PGA5: variants seen among roughly 807,000 people sequenced by gnomAD.
PGA5 encodes pepsinogen A5, also known as pepsin A-5.
PGA5 carries 19 observed loss-of-function variants against 15.9 expected under a neutral mutation model. The ratio of observed to expected loss-of-function variants is 1.19; its 90% CI spans 0.83 to 1.75. The LOEUF (loss-of-function observed/expected upper bound fraction) is 1.75, where lower values mean the gene tolerates loss of function less well. Ranked by LOEUF, PGA5 falls within the 40% of genes most tolerant of loss-of-function variation. The pLI is 0.00. For missense variants in PGA5, 224 were observed against 246.4 expected (o/e 0.91, Z 0.61); for synonymous variants, 92 against 95.8 (o/e 0.96, Z 0.23).
Position 61,251,154 on chromosome 11 carries a change from G to T in PGA5, c.1040G>T (p.Gly347Val). 1.2e-6 allele frequency: 2 copies of T among 1,611,826 alleles called. No homozygotes were observed. Among genetic ancestry groups the T allele is most frequent in the Non-Finnish European group, 1.7e-6 (2 of 1,179,854 alleles). The change falls in exon 9 of 9, where the codon GGC (glycine) becomes GTC (valine). Residue 347 changes from glycine (G) to valine (V), a missense_variant. Transcript: ENST00000312403. The part of the protein sequence containing the change: ...ILQSEGSCIS[G>V]FQGMNVPTES... ...CAGAGCGAGGGGAGCTGCATCAGTG[G>T]CTTCCAGGGCATGAACGTCCCCACC...
rs1854099412 is a variant in PGA5 at position 61,248,595 on chromosome 11, G to T, written c.773+60G>T. The T allele has an allele frequency of 1.3e-5, 21 of 1,599,058 alleles. 1 individual carries two copies. Among genetic ancestry groups the T allele is most frequent in the Non-Finnish European group, 1.7e-5 (20 of 1,169,242 alleles). On this transcript the variant is annotated intron_variant, in intron 6 of 8. Transcript: ENST00000312403. ...GGGCCCCAGATCCCATTTCCTTATG[G>T]ATTCATAGCCAATCAGCTTTCCAGA...
At chr11:61,249,632 G>A in intron 6 of PGA5, 37 bp from the exon 7 acceptor site, 1 of 1,613,640 alleles carries the variant, frequency 6.2e-7, no homozygotes, top group Non-Finnish European at 8.5e-7. Flanking sequence ...ATGAACCCCT[G>A]AGGGCTCAGG....
chr11:61,251,439 C>A lies in PGA5; in HGVS notation c.*158C>A, dbSNP rs1854140338. 21 of 1,300,000 alleles carry A rather than the reference C, an allele frequency of 1.6e-5. No homozygotes were observed. The South Asian group carries it at 3.2e-4, about 20-fold the overall frequency. 80.5% of individuals were successfully genotyped at this position (1,300,000 alleles called of 1,614,324 possible). ...TAACGTAGAATAAAAACATAACCCA[C>A]TGAAACAGGTTTTGTGGAGCTGCTT... On this transcript the variant is annotated 3_prime_UTR_variant, in exon 9 of 9. Coordinates refer to ENST00000312403, the MANE Select transcript of PGA5 (RefSeq NM_014224.5).
chr11:61,249,025 C>T (rs190325919), intron 6 of PGA5, among the ~76,000 whole-genome samples: 1 of 152,232 alleles, frequency 6.6e-6, no homozygotes, highest in Admixed American at 6.5e-5. Flanking sequence ...GCTGTTCTTC[C>T]CCAGCTAGCC....
At chr11:61,246,191 G>A in intron 5 of PGA5, 46 bp downstream of exon 5, 3 of 314,198 alleles carry the variant, frequency 9.5e-6, no homozygotes, top group South Asian at 4.4e-5. Flanking sequence ...CCCTCCAGAG[G>A]TCACAGTGTT....
rs1184956458 is a variant in PGA5, at chr11:61,248,417, A to G, written c.657-2A>G. On this transcript the variant is annotated splice_acceptor_variant, in intron 5 of 8. Coordinates refer to ENST00000312403, the MANE Select transcript of PGA5 (RefSeq NM_014224.5). LOFTEE classifies it high-confidence loss of function. Reference sequence around the variant, plus strand: ...CATGTCTTCTCCCCTCACTTTCCACAGCGATGACAAGAGTGGCAGCGTGGT... The same window carrying G: ...CATGTCTTCTCCCCTCACTTTCCACGGCGATGACAAGAGTGGCAGCGTGGT... 4 of 1,613,846 alleles carry G rather than the reference A, an allele frequency of 2.5e-6. No homozygotes were observed. The highest frequency in any genetic ancestry group is 1.1e-5 in the South Asian group (1 of 91,070).
chr11:61,250,653 G>A (rs370871024), intron 8 of PGA5: 6 of 461,350 alleles, frequency 1.3e-5, no homozygotes. Context: ...ATTACATTAG[G>A]AGAGGGCAAG....
chr11:61,248,744 TGA>T (rs1044591152), intron 6 of PGA5, among the ~76,000 whole-genome samples: 5 of 152,154 alleles, frequency 3.3e-5, no homozygotes, highest in Admixed American at 2.0e-4. Flanking sequence ...TCTGGGAAGC[TGA>T]GACTCTGCAA....
rs200457509 is a variant in PGA5 at position 61,251,324 on chromosome 11, G to A, written c.*43G>A. ...CACCTCCCAGGAAGATCTGGCCTCC[G>A]TCCTATGCCCACTTTAGATGTATCT... is the stretch of plus-strand genomic sequence containing the variant. On this transcript the variant is annotated 3_prime_UTR_variant, in exon 9 of 9. Coordinates refer to ENST00000312403, the MANE Select transcript of PGA5 (RefSeq NM_014224.5). 67 of 1,611,628 alleles carry A rather than the reference G, an allele frequency of 4.2e-5. No homozygotes were observed. The highest frequency in any genetic ancestry group is 8.8e-5 in the South Asian group (8 of 90,958).
At chr11:61,247,133 C>T (rs1455596250) in intron 5 of PGA5, among the ~76,000 whole-genome samples, 1 of 151,914 alleles carries the variant, frequency 6.6e-6, no homozygotes, top group African/African-American at 2.4e-5. Flanking sequence ...AAGGGTTCGC[C>T]GTCATTCATG....
chr11:61,249,718 A>G lies in PGA5; in HGVS notation c.823A>G (p.Ile275Val). Residue 275 changes from isoleucine (I) to valine (V), a missense_variant, in exon 7 of 9, where the codon ATT becomes GTT. By Grantham distance (29) the Ile-to-Val change is conservative (BLOSUM62 3). Coordinates refer to ENST00000312403, the MANE Select transcript of PGA5 (RefSeq NM_014224.5). ...CGCCTGTGCTGAGGGCTGCCAGGCC[A>G]TTGTTGACACCGGCACCTCTCTGCT... is the stretch of plus-strand genomic sequence containing the variant. Reference protein sequence around the residue: ...TIACAEGCQAIVDTGTSLLTG... With the variant: ...TIACAEGCQAVVDTGTSLLTG... 1 of 1,613,426 alleles carries G rather than the reference A, an allele frequency of 6.2e-7. No individual in the cohort carries two copies. Among genetic ancestry groups the G allele is most frequent in the Non-Finnish European group, 8.5e-7 (1 of 1,179,828 alleles).
In PGA5 at chr11:61,249,922, G is replaced by A. The variant is rs1314978328; in HGVS notation, c.925G>A (p.Val309Ile). Residue 309 changes from valine to isoleucine, a missense_variant, in exon 8 of 9, where the codon GTC (valine) becomes ATC (isoleucine). Val to Ile is a conservative substitution (Grantham distance 29). Transcript: ENST00000312403. Reference sequence around the variant, plus strand: ...TCACCCTCACTCTTTCCAGATGGTGGTCAGCTGCTCAGCCATCAGCAGCCT... The same window carrying A: ...TCACCCTCACTCTTTCCAGATGGTGATCAGCTGCTCAGCCATCAGCAGCCT... ...ASENSDGDMVVSCSAISSLPD... is the reference protein window; with the variant it reads ...ASENSDGDMVISCSAISSLPD... The A allele has an allele frequency of 6.2e-7, 1 of 1,613,334 alleles. No homozygotes were observed. The highest frequency in any genetic ancestry group is 1.3e-5 in the African/African-American group (1 of 74,526).
chr11:61,251,126 C>G lies in PGA5; in HGVS notation c.1018-6C>G. The G allele has an allele frequency of 6.2e-7, 1 of 1,611,848 alleles. No homozygotes were observed. Among genetic ancestry groups the G allele is most frequent in the Non-Finnish European group, 8.5e-7 (1 of 1,179,860 alleles). ...CCAGCTCCACTTTTATTCTCCTTTT[C>G]TCCAGAGCGAGGGGAGCTGCATCAG... On this transcript the variant is annotated splice_region_variant and splice_polypyrimidine_tract_variant and intron_variant, in intron 8 of 8. Transcript: ENST00000312403.
At chr11:61,248,271 G>A (rs1435480096) in intron 5 of PGA5, 148 bp from the exon 6 acceptor site, 1 of 1,587,266 alleles carries the variant, frequency 6.3e-7, no homozygotes, top group Non-Finnish European at 8.7e-7. Context: ...ATGGGCCCTG[G>A]CCTAAGAGGA....
Position 61,251,379 on chromosome 11 carries a change from T to G in PGA5, c.*98T>G. The G allele has an allele frequency of 6.3e-7, 1 of 1,585,192 alleles. No homozygotes were observed. The highest frequency in any genetic ancestry group is 2.2e-5 in the East Asian group (1 of 44,602). On this transcript the variant is annotated 3_prime_UTR_variant, in exon 9 of 9. Transcript: ENST00000312403. The stretch of plus-strand genomic sequence containing the variant: ...CTCCTGACTGTTCTTCCCAGGGGAG[T>G]GTGAAGGTCTTGGCCCTGTTCCCTG...
intron 4 of PGA5, 148 bp from the exon 5 acceptor site, chr11:61,245,796 CAG>C (rs1477692263): frequency 1.1e-5 from 1 of 88,834 alleles, no homozygotes; most frequent in Non-Finnish European, 1.9e-5. Flanking sequence ...AGCATTCCAG[CAG>C]ACAGTCCCTC....
At chr11:61,246,891 C>T (rs912994668) in intron 5 of PGA5, among the ~76,000 whole-genome samples, 2 of 151,994 alleles carry the variant, frequency 1.3e-5, no homozygotes, top group Non-Finnish European at 2.9e-5. Context: ...ATTTTTCAAT[C>T]ATGAAAGCAA....
At chr11:61,248,154 C>T (rs145444866) in intron 5 of PGA5, 5 of 777,048 alleles carry the variant, frequency 6.4e-6, no homozygotes, top group African/African-American at 3.4e-5. Flanking sequence ...TTCTTCCAAA[C>T]GTAGTTCCAC....
chr11:61,248,583 C>A (rs1480227839), intron 6 of PGA5, 48 bp downstream of exon 6: 7 of 1,606,284 alleles, frequency 4.4e-6, no homozygotes, highest in Non-Finnish European at 5.1e-6. Flanking sequence ...CCCCAGATCC[C>A]ATTTCCTTAT....
Sources: allele counts gnomAD v4.1 joint callset (sites outside exome capture counted in the v4.1 genomes callset), GRCh38; gene constraint gnomAD v4.1.1; transcripts MANE v1.5; gene names NCBI Gene and HGNC (gene_info 2026-07-23, HGNC 2026-07-21).